Variants in ATP8B1 observed in about 807,000 individuals in gnomAD.
ATP8B1 encodes the protein phospholipid-transporting ATPase IC.
A neutral mutation model predicts 149.9 loss-of-function variants in ATP8B1; 80 were observed. The observed-to-expected ratio is 0.53, with a 90% CI of 0.45 to 0.64. The LOEUF is 0.64. Among genes scored for constraint, ATP8B1 ranks in the 30% least tolerant of loss-of-function variants. The pLI, the probability that ATP8B1 is intolerant of heterozygous loss-of-function variation, is 0.00. For missense variants in ATP8B1, 1,247 were observed against 1,552.6 expected, an observed-to-expected ratio of 0.80 and a Z score of 3.31; for synonymous variants, 536 against 562.8, an observed-to-expected ratio of 0.95 and a Z score of 0.67.
chr18:57,707,496 A>G (rs745560776), intron 2 of ATP8B1, among the ~76,000 whole-genome samples: 1 of 152,076 alleles, frequency 6.6e-6, no homozygotes, highest in Non-Finnish European at 1.5e-5. Context: ...TGGAGATGGG[A>G]ATATATTAAA....
rs531189335 is a variant in ATP8B1, at chr18:57,739,288, A to G, written c.-25-7456T>C. On this transcript the variant is annotated intron_variant, in intron 1 of 27. Coordinates refer to ENST00000648908, the MANE Select transcript of ATP8B1 (RefSeq NM_001374385.1). ...GCTAGGATTACAGGCATGAGCCACC[A>G]TGCCTGGCCAATTTCTTATTCGTTA... Among the ~76,000 whole-genome samples, 21 of 152,132 alleles carry G rather than the reference A, an allele frequency of 1.4e-4. No individual in the cohort carries two copies. In the South Asian group the frequency reaches 4.4e-3, roughly 32 times the overall value.
intron 1 of ATP8B1, among the ~76,000 whole-genome samples, chr18:57,772,294 G>A (rs2080270187): frequency 1.3e-5 from 2 of 152,242 alleles, no homozygotes; most frequent in South Asian, 4.1e-4. Context: ...TGATGATCAG[G>A]GATGGAGAGA....
At chr18:57,744,307 CAAAA>C (rs10680324) in intron 1 of ATP8B1, among the ~76,000 whole-genome samples, 3 of 97,884 alleles carry the variant, frequency 3.1e-5, no homozygotes, top group Non-Finnish European at 5.8e-5. Context: ...GAGACTGTCT[CAAAA>C]AAAAAAAAAA....
At chr18:57,688,553 T>C (rs1403132214) in intron 12 of ATP8B1, 46 bp from the exon 13 acceptor site, 1 of 1,575,594 alleles carries the variant, frequency 6.3e-7, no homozygotes, top group East Asian at 2.2e-5. Context: ...CGGATACGAG[T>C]GGCAAGTAGT....
At chr18:57,800,161 CA>C (rs2080560536) in intron 1 of ATP8B1, among the ~76,000 whole-genome samples, 1 of 152,038 alleles carries the variant, frequency 6.6e-6, no homozygotes, top group Non-Finnish European at 1.5e-5. Flanking sequence ...AGTGCTTAAG[CA>C]ATTTAAAAGG....
intron 11 of ATP8B1, 84 bp downstream of exon 11, chr18:57,694,498 T>G (rs1046484682): frequency 1.1e-5 from 11 of 981,674 alleles, no homozygotes; most frequent in Admixed American, 4.1e-5. Context: ...AGAGGTAAGA[T>G]TTTGTATTAG....
At position 57,674,903 on chromosome 18, in the gene ATP8B1, T is replaced by A. The variant is rs766737165; in HGVS notation, c.1750A>T (p.Thr584Ser). 109 of 1,614,130 alleles carry A rather than the reference T, an allele frequency of 6.8e-5. No individual in the cohort carries two copies. In the South Asian group the frequency reaches 1.2e-3, roughly 17 times the overall value. ...QNTITISELG[T>S]ERTYNVLAIL... is the part of the protein sequence containing the mutation. ...GCAAGAACATTGTAAGTCCTTTCAG[T>A]GCCCAGTTCACTGATGGTGATGGTG... The change falls in exon 16 of 28, where the codon ACT becomes TCT. Residue 584 changes from threonine (T) to serine (S), a missense_variant. By Grantham distance (58) the Thr-to-Ser change is moderately conservative. Coordinates refer to ENST00000648908, the MANE Select transcript of ATP8B1 (RefSeq NM_001374385.1).
chr18:57,649,142 G>T (rs1414495371), intron 27 of ATP8B1, among the ~76,000 whole-genome samples: 1 of 146,938 alleles, frequency 6.8e-6, no homozygotes, highest in Admixed American at 7.0e-5. Context: ...TGCCTGCCTC[G>T]GCCTCCAAAA....
At chr18:57,772,480 A>G (rs934495898) in intron 1 of ATP8B1, among the ~76,000 whole-genome samples, 1 of 152,186 alleles carries the variant, frequency 6.6e-6, no homozygotes, top group Admixed American at 6.5e-5. Context: ...GCGGGTAGAC[A>G]GGGGAGGAAG....
chr18:57,712,363 GC>G (rs1913731409), intron 2 of ATP8B1, among the ~76,000 whole-genome samples: 1 of 152,070 alleles, frequency 6.6e-6, no homozygotes, highest in Non-Finnish European at 1.5e-5. Flanking sequence ...CGATTGTGAG[GC>G]TTTGCACTGA....
chr18:57,767,991 A>C (rs1256366250), intron 1 of ATP8B1, among the ~76,000 whole-genome samples: 6 of 152,174 alleles, frequency 3.9e-5, no homozygotes, highest in Non-Finnish European at 8.8e-5. Flanking sequence ...AGAGCTCTAA[A>C]TTGATTTTTA....
At chr18:57,735,829 A>G (rs899814561) in intron 1 of ATP8B1, among the ~76,000 whole-genome samples, 3 of 151,984 alleles carry the variant, frequency 2.0e-5, no homozygotes, top group East Asian at 1.9e-4. Context: ...TTTAAGTTCT[A>G]GGATACATGT....
At chr18:57,663,902 G>A (rs1910681962) in intron 20 of ATP8B1, among the ~76,000 whole-genome samples, 1 of 151,340 alleles carries the variant, frequency 6.6e-6, no homozygotes, top group Admixed American at 6.6e-5. Context: ...AAGTAGCTGG[G>A]ACTACAGACG....
intron 1 of ATP8B1, among the ~76,000 whole-genome samples, chr18:57,783,843 A>G (rs930895304): frequency 4.6e-5 from 7 of 152,174 alleles, no homozygotes; most frequent in Non-Finnish European, 1.0e-4. Flanking sequence ...TTAAAAAAAA[A>G]ATAAAAATAA....
At chr18:57,660,707 C>T (rs1250666521) in intron 22 of ATP8B1, among the ~76,000 whole-genome samples, 1 of 151,974 alleles carries the variant, frequency 6.6e-6, no homozygotes, top group Non-Finnish European at 1.5e-5. Flanking sequence ...TTAATAGAGA[C>T]GGGGTTTCAG....
At chr18:57,768,183 C>T (rs560376532) in intron 1 of ATP8B1, among the ~76,000 whole-genome samples, 5 of 151,802 alleles carry the variant, frequency 3.3e-5, no homozygotes, top group Admixed American at 2.0e-4. Context: ...GTCAGGAGTT[C>T]GAGACCAGCC....
In ATP8B1 at chr18:57,655,322, G is replaced by A. The variant is rs769230219; in HGVS notation, c.2803C>T (p.Leu935=). Residue 935 remains leucine (L), a synonymous_variant, in exon 23 of 28, where the codon CTA becomes TTA. Transcript: ENST00000648908. ...GACCATCGGCCATGCACCAGCAGTA[G>A]CCTCTGCAGATATCGGAACTGAGCA... ...SFAQFRYLQR[L]LLVHGRWSYI... 2 of 1,614,142 alleles carry A rather than the reference G, an allele frequency of 1.2e-6. No homozygotes were observed. Among genetic ancestry groups the A allele is most frequent in the African/African-American group, 2.7e-5 (2 of 75,060 alleles).
rs116986590 is a variant in ATP8B1, at chr18:57,715,098, G to A, written c.182-8511C>T. Among the ~76,000 whole-genome samples, 1,137 of 152,262 alleles carry A rather than the reference G, an allele frequency of 7.5e-3. 4 individuals carry two copies. The highest frequency in any genetic ancestry group is 0.032 in the South Asian group (155 of 4,834). On this transcript the variant is annotated intron_variant, in intron 2 of 27. Coordinates refer to ENST00000648908, the MANE Select transcript of ATP8B1 (RefSeq NM_001374385.1). ...TCTATCAGATAAACTTAACAAAGAG[G>A]AAACTCAAAGAAATTCAAGACAACA...
At chr18:57,652,011 T>G in intron 26 of ATP8B1, 23 bp downstream of exon 26, 1 of 1,606,002 alleles carries the variant, frequency 6.2e-7, no homozygotes, top group South Asian at 1.1e-5. Flanking sequence ...GTACATTTAT[T>G]TTTGGAATTT....
Sources: gnomAD v4.1 joint callset for allele counts (sites outside exome capture counted in the v4.1 genomes callset) on GRCh38, gnomAD v4.1.1 for gene constraint, MANE v1.5 for transcripts, NCBI Gene and HGNC (gene_info 2026-07-23, HGNC 2026-07-21) for gene names.